Variants in RSAD1 observed in about 807,000 individuals in gnomAD.
RSAD1 encodes the protein radical S-adenosyl methionine domain containing 1.
In RSAD1, 34 loss-of-function variants were observed where a neutral mutation model predicts 46.2. The observed-to-expected ratio is 0.74, with a 90% CI of 0.56 to 0.98. The LOEUF (loss-of-function observed/expected upper bound fraction) is 0.98. Ranked by LOEUF, RSAD1 falls within the 50% of genes least tolerant of loss-of-function variation. The pLI is 0.00. For missense variants in RSAD1, 635 were observed against 592.3 expected, an observed-to-expected ratio of 1.07 and a Z score of -0.75; for synonymous variants, 260 against 253.5, an observed-to-expected ratio of 1.03 and a Z score of -0.24.
At position 50,482,525 on chromosome 17, in the gene RSAD1, C is replaced by T. The variant is rs1598444391; in HGVS notation, c.840+69C>T. 3.1e-6 allele frequency: 5 copies of T among 1,609,786 alleles called. No individual in the cohort carries two copies. In the East Asian group the frequency reaches 1.1e-4, roughly 36 times the overall value. Reference sequence around the variant, plus strand: ...TGCAGTGTGACCAGGGCGTTGTGACCTTCTGAAGAGAAGGATCCTGGCCGA... The same window carrying T: ...TGCAGTGTGACCAGGGCGTTGTGACTTTCTGAAGAGAAGGATCCTGGCCGA... On this transcript the variant is annotated intron_variant, in intron 4 of 8. Transcript: ENST00000258955.
Position 50,483,366 on chromosome 17 carries a change from G to A in RSAD1, c.931G>A (p.Gly311Arg). ...GGCCCATGGACGATTTATGCCCCAG[G>A]GGGCTGGAGGCCACACCCGGGAGGC... ...PGAHGRFMPQ[G>R]AGGHTREARI... Residue 311 changes from glycine to arginine, a missense_variant, in exon 6 of 9, where the codon GGG becomes AGG. Gly to Arg is a moderately radical substitution (Grantham distance 125, BLOSUM62 -2). Coordinates refer to ENST00000258955, the MANE Select transcript of RSAD1 (RefSeq NM_018346.3). 2 of 1,613,976 alleles carry A rather than the reference G, an allele frequency of 1.2e-6. No individual in the cohort carries two copies. Among genetic ancestry groups the A allele is most frequent in the Non-Finnish European group, 1.7e-6 (2 of 1,179,954 alleles).
chr17:50,480,107 TCCC>T, intron 3 of RSAD1, 23 bp downstream of exon 3: 1 of 1,610,222 alleles, frequency 6.2e-7, no homozygotes, highest in Non-Finnish European at 8.5e-7. Flanking sequence ...ACTCACCCCA[TCCC>T]AGTGCACCCC....
At chr17:50,484,257 CAG>C (rs1319593453) in intron 7 of RSAD1, 183 bp from the exon 8 acceptor site, 8 of 578,486 alleles carry the variant, frequency 1.4e-5, no homozygotes, top group Non-Finnish European at 2.1e-5. Flanking sequence ...GTTCCAGTCT[CAG>C]TGGAATAGGA....
Position 50,482,452 on chromosome 17 carries a change from G to A in RSAD1, c.836G>A (p.Arg279Gln), listed in dbSNP as rs377434398. 2.6e-5 allele frequency: 42 copies of A among 1,588,954 alleles called. No homozygotes were observed. The highest frequency in any genetic ancestry group is 3.4e-5 in the Non-Finnish European group (40 of 1,170,684). ...FHQYEVSNFA[R>Q]NGALSTHNWT... is the part of the protein sequence containing the mutation. ...CAGTATGAGGTCTCCAACTTTGCCC[G>A]GAATGTAAGTTCTGGGGCTGATGGC... The change falls in exon 4 of 9, where the codon CGG (arginine) becomes CAG (glutamine). Residue 279 changes from arginine to glutamine, a missense_variant. Transcript: ENST00000258955.
intron 1 of RSAD1, chr17:50,479,298 C>G: frequency 4.2e-6 from 2 of 474,220 alleles, no homozygotes; most frequent in South Asian, 7.9e-5. Context: ...TTCTTAAGAG[C>G]AGTGTTCTGA....
In RSAD1 at chr17:50,483,448, A is replaced by G. The variant is rs1184121899; in HGVS notation, c.1013A>G (p.His338Arg). The change falls in exon 6 of 9, where the codon CAT (histidine) becomes CGT (arginine). Residue 338 changes from histidine to arginine, a missense_variant. By Grantham distance (29) the His-to-Arg change is conservative. Coordinates refer to ENST00000258955, the MANE Select transcript of RSAD1 (RefSeq NM_018346.3). The part of the protein sequence containing the change: ...NWMKEVMLFG[H>R]GTRKRVPLGR... ...ATGAAGGAGGTGATGCTGTTTGGCCATGGCACCCGGAAGCGTGTCCCCCTG... is the reference window on the plus strand; with the variant it reads ...ATGAAGGAGGTGATGCTGTTTGGCCGTGGCACCCGGAAGCGTGTCCCCCTG... 7 of 1,613,402 alleles carry G rather than the reference A, an allele frequency of 4.3e-6. No individual in the cohort carries two copies. Among genetic ancestry groups the G allele is most frequent in the Non-Finnish European group, 5.9e-6 (7 of 1,179,790 alleles).
In RSAD1 at chr17:50,482,128, C is replaced by T. The variant is rs201488851; in HGVS notation, c.512C>T (p.Thr171Met). The T allele has an allele frequency of 1.1e-4, 180 of 1,588,148 alleles. No individual in the cohort carries two copies. The Middle Eastern group carries it at 1.5e-3, about 13-fold the overall frequency. The change falls in exon 4 of 9, where the codon ACG (threonine) becomes ATG (methionine). Residue 171 changes from threonine to methionine, a missense_variant. Transcript: ENST00000258955. ...DDTELRLLGR[T>M]HSACDALRTL... ...ACTGAGCTCCGGCTGTTGGGACGGA[C>T]GCACTCGGCCTGCGATGCTCTGCGG... is the stretch of plus-strand genomic sequence containing the variant.
chr17:50,484,824 G>A lies in RSAD1; in HGVS notation c.1292G>A (p.Trp431Ter), dbSNP rs371792578. Residue 431 changes from tryptophan (W) to a stop codon, truncating the protein, a stop_gained, in exon 9 of 9, where the codon TGG (tryptophan) becomes TAG (stop). Transcript: ENST00000258955. LOFTEE classifies it high-confidence loss of function. ...LTLLPQLQEAWQQRTPSPVPG... is the reference protein window; with the variant it reads ...LTLLPQLQEA ...CTCCTGCCTCAGCTCCAAGAAGCCTGGCAGCAGAGAACCCCCTCCCCTGTG... is the reference window on the plus strand; with the variant it reads ...CTCCTGCCTCAGCTCCAAGAAGCCTAGCAGCAGAGAACCCCCTCCCCTGTG... The A allele has an allele frequency of 1.4e-4, 222 of 1,614,056 alleles. 1 individual carries two copies. The highest frequency in any genetic ancestry group is 1.7e-4 in the Non-Finnish European group (200 of 1,179,978).
In RSAD1 at chr17:50,479,780, T is replaced by C; in HGVS notation, c.269+18T>C. On this transcript the variant is annotated intron_variant, in intron 2 of 8. Transcript: ENST00000258955. ...GTGCAACGGTGGGTAGTGGGGGCTG[T>C]AGGCAGCGTTTTGGGAAATATTTGG... 2 of 1,596,434 alleles carry C rather than the reference T, an allele frequency of 1.3e-6. No individual in the cohort carries two copies. Among genetic ancestry groups the C allele is most frequent in the Non-Finnish European group, 8.5e-7 (1 of 1,169,986 alleles).
rs2033411875 is a variant in RSAD1 at position 50,483,547 on chromosome 17, A to G, written c.1052+60A>G. On this transcript the variant is annotated intron_variant, in intron 6 of 8. Transcript: ENST00000258955. ...ATCCCCACACCCCAAGACCATGTCT[A>G]TTTGTATATCTTTTATTTCCTGTCT... is the stretch of plus-strand genomic sequence containing the variant. 12 of 1,596,106 alleles carry G rather than the reference A, an allele frequency of 7.5e-6. No homozygotes were observed. The Middle Eastern group carries it at 5.0e-4, about 66-fold the overall frequency.
At chr17:50,482,026 T>G in intron 3 of RSAD1, 65 bp from the exon 4 acceptor site, 2 of 1,471,598 alleles carry the variant, frequency 1.4e-6, no homozygotes, top group Non-Finnish European at 1.8e-6. Context: ...GTGTCTACAA[T>G]GGGGAGGAGG....
At chr17:50,479,354 A>C in intron 1 of RSAD1, 1 of 498,658 alleles carries the variant, frequency 2.0e-6, no homozygotes, top group Non-Finnish European at 3.5e-6. Flanking sequence ...TATGAAAATT[A>C]TATGATCCCA....
Position 50,482,374 on chromosome 17 carries a change from C to A in RSAD1, c.758C>A (p.Ala253Glu), listed in dbSNP as rs772399572. Residue 253 changes from alanine (A) to glutamate (E), a missense_variant, in exon 4 of 9, where the codon GCA becomes GAA. By Grantham distance (107) the Ala-to-Glu change is moderately radical. Coordinates refer to ENST00000258955, the MANE Select transcript of RSAD1 (RefSeq NM_018346.3). ...CTTCCAGCCCCTGACCCGGAGCTCGCAGCTGAGATGTACCAGAGGGGCCGG... is the reference window on the plus strand; with the variant it reads ...CTTCCAGCCCCTGACCCGGAGCTCGAAGCTGAGATGTACCAGAGGGGCCGG... ...GALPAPDPELAAEMYQRGRAV... is the reference protein window; with the variant it reads ...GALPAPDPELEAEMYQRGRAV... 1 of 1,609,052 alleles carries A rather than the reference C, an allele frequency of 6.2e-7. No individual in the cohort carries two copies.
chr17:50,480,100 C>T lies in RSAD1; in HGVS notation c.474+16C>T. On this transcript the variant is annotated intron_variant, in intron 3 of 8. Transcript: ENST00000258955. The stretch of plus-strand genomic sequence containing the variant: ...AGGCCTCCAGGTAACCCATGGCACT[C>T]ACCCCATCCCAGTGCACCCCGCCCT... 1 of 1,612,476 alleles carries T rather than the reference C, an allele frequency of 6.2e-7. No individual in the cohort carries two copies. Among genetic ancestry groups the T allele is most frequent in the Non-Finnish European group, 8.5e-7 (1 of 1,178,874 alleles).
In RSAD1 at chr17:50,482,145, G is replaced by T. The variant is rs775506333; in HGVS notation, c.529G>T (p.Ala177Ser). ...GGGACGGACGCACTCGGCCTGCGAT[G>T]CTCTGCGGACGCTGGCAGAGGCCCG... ...LLGRTHSACD[A>S]LRTLAEARRL... is the part of the protein sequence containing the mutation. The change falls in exon 4 of 9, where the codon GCT (alanine) becomes TCT (serine). Residue 177 changes from alanine (A) to serine (S), a missense_variant. Ala to Ser is a moderately conservative substitution (Grantham distance 99, BLOSUM62 1). Coordinates refer to ENST00000258955, the MANE Select transcript of RSAD1 (RefSeq NM_018346.3). The T allele has an allele frequency of 1.3e-6, 2 of 1,591,866 alleles. No individual in the cohort carries two copies. The highest frequency in any genetic ancestry group is 4.5e-5 in the East Asian group (2 of 44,352).
In RSAD1 at chr17:50,485,594, G is replaced by A. The variant is rs996287584; in HGVS notation, c.*733G>A. Reference sequence around the variant, plus strand: ...CTGGCAGGAAATTCTGAGGAATATAGCTCTTAGGCTTCCAGCCTCTACCAT... The same window carrying A: ...CTGGCAGGAAATTCTGAGGAATATAACTCTTAGGCTTCCAGCCTCTACCAT... On this transcript the variant is annotated 3_prime_UTR_variant, in exon 9 of 9. Transcript: ENST00000258955. 2.6e-5 allele frequency: 4 copies of A among 152,314 alleles called. No individual in the cohort carries two copies. The highest frequency in any genetic ancestry group is 9.6e-5 in the African/African-American group (4 of 41,462). The allele number at this position is 152,314 out of a possible 1,614,324, so 9.4% of individuals were successfully genotyped here. A position where few individuals can be genotyped will look rare whatever the true frequency, so the allele number is the denominator to read the frequency against.
Position 50,480,037 on chromosome 17 carries a change from G to T in RSAD1, c.427G>T (p.Ala143Ser). ...NPTSAPGSRL[A>S]EFGAAGVNRL... ...TACTTCAGCTCCGGGCTCCAGACTG[G>T]CAGAGTTCGGGGCAGCAGGGGTTAA... Residue 143 changes from alanine to serine, a missense_variant, in exon 3 of 9, where the codon GCA becomes TCA. Physicochemically the swap from Ala to Ser is moderately conservative, Grantham distance 99. Coordinates refer to ENST00000258955, the MANE Select transcript of RSAD1 (RefSeq NM_018346.3). 8 of 1,614,158 alleles carry T rather than the reference G, an allele frequency of 5.0e-6. No individual in the cohort carries two copies. Among genetic ancestry groups the T allele is most frequent in the Non-Finnish European group, 6.8e-6 (8 of 1,180,044 alleles).
rs1399704087 is a variant in RSAD1 at position 50,485,048 on chromosome 17, A to G, written c.*187A>G. 3 of 590,194 alleles carry G rather than the reference A, an allele frequency of 5.1e-6. No individual in the cohort carries two copies. The African/African-American group carries it at 5.6e-5, about 11-fold the overall frequency. The allele number at this position is 590,194 out of a possible 1,614,324, so 36.6% of individuals were successfully genotyped here. A position where few individuals can be genotyped will look rare whatever the true frequency, so the allele number is the denominator to read the frequency against. ...GGACATTTCTGGTCAGGGAACTGGC[A>G]TCCCATTCAGCATCTCAGGACTCAC... On this transcript the variant is annotated 3_prime_UTR_variant, in exon 9 of 9. Transcript: ENST00000258955.
Position 50,478,987 on chromosome 17 carries a change from C to A in RSAD1, c.103C>A (p.Pro35Thr). ...CGCAGGAGGGTCCCCGAGTCCTGAG[C>A]CTGCGGGCCGGCGCGCGGCGCTTTA... is the stretch of plus-strand genomic sequence containing the variant. Reference protein sequence around the residue: ...ENAGGSPSPEPAGRRAALYVH... With the variant: ...ENAGGSPSPETAGRRAALYVH... Residue 35 changes from proline (P) to threonine (T), a missense_variant, in exon 1 of 9, where the codon CCT becomes ACT. Coordinates refer to ENST00000258955, the MANE Select transcript of RSAD1 (RefSeq NM_018346.3). 7.2e-7 allele frequency: 1 copy of A among 1,386,888 alleles called. No individual in the cohort carries two copies. Among genetic ancestry groups the A allele is most frequent in the Admixed American group, 3.3e-5 (1 of 30,588 alleles). 85.9% of individuals were successfully genotyped at this position (1,386,888 alleles called of 1,614,324 possible). A position where few individuals can be genotyped will look rare whatever the true frequency, so the allele number is the denominator to read the frequency against.
Sources: gnomAD v4.1 joint callset for allele counts on GRCh38, gnomAD v4.1.1 for gene constraint, MANE v1.5 for transcripts, NCBI Gene and HGNC (gene_info 2026-07-23, HGNC 2026-07-21) for gene names.